CTPS2: variants seen among roughly 807,000 people sequenced by gnomAD.
CTPS2 encodes CTP synthase 2, also known as CTP synthase II.
A neutral mutation model predicts 46.8 loss-of-function variants in CTPS2; 19 were observed. That is an observed-to-expected ratio of 0.41 (90% CI 0.28 to 0.60). The LOEUF is 0.60. CTPS2 is among the 20% of genes least tolerant of loss of function. The pLI, the probability that CTPS2 is intolerant of heterozygous loss-of-function variation, is 0.35. For missense variants in CTPS2, 286 were observed against 447.6 expected (o/e 0.64, Z 3.26); for synonymous variants, 151 against 165.2 (o/e 0.91, Z 0.66).
intron 13 of CTPS2, among the ~76,000 whole-genome samples, chrX:16,654,218 T>C (rs1292918229): frequency 1.8e-5 from 2 of 112,823 alleles, no homozygotes; most frequent in Non-Finnish European, 3.7e-5. Context: ...TAGCCAGTTC[T>C]ATGACACGGA....
chrX:16,693,839 G>T (rs891847424), intron 4 of CTPS2, among the ~76,000 whole-genome samples: 1 of 110,818 alleles, frequency 9.0e-6, no homozygotes, highest in South Asian at 3.8e-4. Context: ...ATTTCTCCAC[G>T]TGTATACTCT....
intron 17 of CTPS2, among the ~76,000 whole-genome samples, chrX:16,607,935 A>T (rs1930066457): frequency 8.8e-6 from 1 of 113,187 alleles, no homozygotes; most frequent in African/African-American, 3.2e-5. Flanking sequence ...TTTTGGCGGG[A>T]CACGGAGGCT....
chrX:16,704,370 C>A (rs1053338245), intron 1 of CTPS2, among the ~76,000 whole-genome samples: 2 of 112,124 alleles, frequency 1.8e-5, no homozygotes, highest in Non-Finnish European at 3.8e-5. Flanking sequence ...ATGGAGGAAT[C>A]TCAAGTGCAT....
intron 7 of CTPS2, among the ~76,000 whole-genome samples, chrX:16,690,862 C>T (rs1923633908): frequency 8.9e-6 from 1 of 112,430 alleles, no homozygotes; most frequent in Admixed American, 9.5e-5. Context: ...AGAGCTAGTG[C>T]GAATGTCAAC....
intron 4 of CTPS2, among the ~76,000 whole-genome samples, chrX:16,693,914 C>T (rs1022855745): frequency 8.9e-6 from 1 of 112,282 alleles, no homozygotes; most frequent in African/African-American, 3.2e-5. Flanking sequence ...TGCTTGTAAT[C>T]CCAGCACTTT....
At chrX:16,621,759 C>T (rs1165374598) in intron 14 of CTPS2, among the ~76,000 whole-genome samples, 1 of 111,595 alleles carries the variant, frequency 9.0e-6, no homozygotes, top group Non-Finnish European at 1.9e-5. Context: ...CCAAGAAAAA[C>T]CAAATAAATG....
intron 16 of CTPS2, among the ~76,000 whole-genome samples, 159 bp from the exon 17 acceptor site, chrX:16,609,844 C>T (rs187780817): frequency 9.5e-4 from 107 of 112,349 alleles, no homozygotes; most frequent in African/African-American, 3.3e-3. Context: ...TCCATTCCTT[C>T]GTGGAATTTC....
chrX:16,642,727 T>C (rs1307288636), intron 13 of CTPS2, among the ~76,000 whole-genome samples: 1 of 112,286 alleles, frequency 8.9e-6, no homozygotes, highest in Non-Finnish European at 1.9e-5. Context: ...CAAAAATGTC[T>C]TTGTTCCTTG....
intron 17 of CTPS2, among the ~76,000 whole-genome samples, chrX:16,599,476 CTTTTTTTTT>C (rs56794396): frequency 2.3e-5 from 2 of 86,212 alleles, no homozygotes; most frequent in Admixed American, 2.6e-4. Flanking sequence ...TCTTTTTTTT[CTTTTTTTTT>C]TTTTTTTTGA....
At chrX:16,695,637 C>T (rs967001897) in intron 4 of CTPS2, among the ~76,000 whole-genome samples, 2 of 109,782 alleles carry the variant, frequency 1.8e-5, no homozygotes, top group Non-Finnish European at 3.8e-5. Flanking sequence ...CTGCAAGCTC[C>T]GCCTCCTGGG....
intron 10 of CTPS2, 59 bp downstream of exon 10, chrX:16,678,303 A>G (rs753433946): frequency 2.0e-5 from 15 of 765,080 alleles, no homozygotes; most frequent in Non-Finnish European, 2.0e-6. Context: ...AAACTGAATC[A>G]TTACAGAAAA....
At chrX:16,673,043 C>T (rs1414363674) in intron 10 of CTPS2, among the ~76,000 whole-genome samples, 1 of 105,401 alleles carries the variant, frequency 9.5e-6, no homozygotes, top group Non-Finnish European at 1.9e-5. Flanking sequence ...CCCGCCACTA[C>T]GCCCGGCTAA....
intron 13 of CTPS2, among the ~76,000 whole-genome samples, chrX:16,662,012 A>ATATATATATATG (rs1555967619): frequency 5.7e-5 from 6 of 105,392 alleles, no homozygotes; most frequent in African/African-American, 1.8e-4. Flanking sequence ...ATATATATAT[A>ATATATATATATG]TGCCTCAAAA....
At chrX:16,647,255 CTTTTTTTTTTTTTTT>C (rs746634342) in intron 13 of CTPS2, among the ~76,000 whole-genome samples, 11 of 39,757 alleles carry the variant, frequency 2.8e-4, no homozygotes, top group Admixed American at 1.4e-3. Flanking sequence ...TGGGCCCATT[CTTTTTTTTTTTTTTT>C]TTTTTTTTTT....
At chrX:16,702,716 G>GGA (rs1924677393) in intron 2 of CTPS2, 21 bp downstream of exon 2, 1 of 1,194,382 alleles carries the variant, frequency 8.4e-7, no homozygotes, top group Non-Finnish European at 1.1e-6. Context: ...GCTATAAGGG[G>GGA]GAAGTGGTTC....
chrX:16,674,223 G>C (rs1362507466), intron 10 of CTPS2, among the ~76,000 whole-genome samples: 1 of 110,622 alleles, frequency 9.0e-6, no homozygotes. Flanking sequence ...GAGTGCAATG[G>C]TGCAATCTTG....
chrX:16,655,847 G>A (rs1170630415), intron 13 of CTPS2, among the ~76,000 whole-genome samples: 1 of 108,986 alleles, frequency 9.2e-6, no homozygotes, highest in Non-Finnish European at 1.9e-5. Context: ...CCAGGCTGGA[G>A]TGCAGTGGCA....
At chrX:16,638,898 C>T in intron 14 of CTPS2, 1 of 500,370 alleles carries the variant, frequency 2.0e-6, no homozygotes, top group African/African-American at 2.3e-5. Context: ...CAGGGAGTCA[C>T]GCAGATCAAA....
In CTPS2 at chrX:16,698,330, G is replaced by C. The variant is rs1379491150; in HGVS notation, c.344C>G (p.Pro115Arg). Residue 115 changes from proline to arginine, a missense_variant, in exon 4 of 19, where the codon CCT (proline) becomes CGT (arginine). Coordinates refer to ENST00000359276, the MANE Select transcript of CTPS2 (RefSeq NM_175859.3). Reference protein sequence around the residue: ...DYLGKTVQVVPHITDAVQEWV... With the variant: ...DYLGKTVQVVRHITDAVQEWV... ...CTCCTGGACAGCATCAGTAATGTGA[G>C]GGACAACTGTAGAAAGAAGTATTAA... 4 of 1,173,772 alleles carry C rather than the reference G, an allele frequency of 3.4e-6. No homozygotes were observed. The African/African-American group carries it at 7.1e-5, about 21-fold the overall frequency.
Sources: allele counts gnomAD v4.1 joint callset (sites outside exome capture counted in the v4.1 genomes callset), GRCh38; gene constraint gnomAD v4.1.1; transcripts MANE v1.5; gene names NCBI Gene and HGNC (gene_info 2026-07-23, HGNC 2026-07-21).